BPGM: variants seen among roughly 807,000 people sequenced by gnomAD.
BPGM encodes the protein bisphosphoglycerate mutase, also known as 2,3-bisphosphoglycerate mutase, erythrocyte.
BPGM carries 15 observed loss-of-function variants against 21.6 expected under a neutral mutation model. That is an observed-to-expected ratio of 0.70 (90% confidence interval 0.47 to 1.07). The LOEUF is 1.07. Among genes scored for constraint, BPGM ranks in the 50% least tolerant of loss-of-function variants. The pLI, the probability that BPGM is intolerant of heterozygous loss-of-function variation, is 0.00. For synonymous variants in BPGM, 113 were observed against 116.2 expected (o/e 0.97, Z 0.18); for missense variants, 273 against 319.0 (o/e 0.86, Z 1.10).
chr7:134,666,018 T>TC (rs1795815663), intron 2 of BPGM, among the ~76,000 whole-genome samples: 1 of 151,984 alleles, frequency 6.6e-6, no homozygotes, highest in Admixed American at 6.6e-5. Flanking sequence ...GCTAGGATTA[T>TC]AGGTGTGTAC....
intron 1 of BPGM, among the ~76,000 whole-genome samples, chr7:134,649,356 CA>C (rs1254325149): frequency 1.3e-5 from 2 of 152,248 alleles, no homozygotes; most frequent in African/African-American, 4.8e-5. Flanking sequence ...CACTTAGAAG[CA>C]ACTACTGTTA....
chr7:134,664,548 A>AGGTACT (rs58536245), intron 2 of BPGM, among the ~76,000 whole-genome samples: 5 of 151,422 alleles, frequency 3.3e-5, no homozygotes, highest in East Asian at 1.9e-4. Flanking sequence ...TCACATTATG[A>AGGTACT]GGAGTTTGGG....
At chr7:134,647,618 C>T (rs1385499763) in intron 1 of BPGM, among the ~76,000 whole-genome samples, 2 of 152,180 alleles carry the variant, frequency 1.3e-5, no homozygotes, top group Non-Finnish European at 2.9e-5. Context: ...TAACTCTCAT[C>T]CCCCTACTGC....
At chr7:134,678,776 G>A (rs1055531766) in intron 2 of BPGM, 77 bp from the exon 3 acceptor site, 2 of 1,356,502 alleles carry the variant, frequency 1.5e-6, no homozygotes, top group African/African-American at 1.4e-5. Context: ...TGGGATTAAA[G>A]TGCAGTTATA....
intron 1 of BPGM, among the ~76,000 whole-genome samples, chr7:134,649,174 G>T (rs6467547): frequency 0.58 from 87,415 of 150,480 alleles, 26,077 homozygotes; most frequent in East Asian, 0.88. Flanking sequence ...CAATTAAATT[G>T]TTTTTTTTTT....
chr7:134,649,414 G>A (rs569503801), intron 1 of BPGM, among the ~76,000 whole-genome samples: 4 of 152,250 alleles, frequency 2.6e-5, no homozygotes, highest in Non-Finnish European at 5.9e-5. Flanking sequence ...TGCCTGCTGT[G>A]GTTGGTTGAG....
chr7:134,672,977 A>G (rs941428611), intron 2 of BPGM, among the ~76,000 whole-genome samples: 1 of 152,136 alleles, frequency 6.6e-6, no homozygotes, highest in Non-Finnish European at 1.5e-5. Context: ...GATAGAGACC[A>G]TCCTGGCTAA....
Position 134,661,916 on chromosome 7 carries a change from TACA to T in BPGM, c.412_414del (p.Asn138del). ...GTCTCATCCTTACTACCAAGAAATC[TACA>T]ACGACCGGAGGTATAAAGTATGCGA... is the stretch of plus-strand genomic sequence containing the variant. On this transcript the variant is annotated inframe_deletion, in exon 2 of 3. Coordinates refer to ENST00000344924, the MANE Select transcript of BPGM (RefSeq NM_001724.5). The surrounding 1 kb of genome is among the most constrained non-coding windows in gnomAD (Gnocchi z 4.6). The T allele has an allele frequency of 6.2e-7, 1 of 1,612,158 alleles. No individual in the cohort carries two copies. The highest frequency in any genetic ancestry group is 8.5e-7 in the Non-Finnish European group (1 of 1,178,556).
chr7:134,649,172 TTG>T (rs1034528937), intron 1 of BPGM, among the ~76,000 whole-genome samples: 1 of 143,296 alleles, frequency 7.0e-6, no homozygotes, highest in East Asian at 2.3e-4. Context: ...TACAATTAAA[TTG>T]TTTTTTTTTT....
chr7:134,650,981 C>A (rs2347693), intron 1 of BPGM, among the ~76,000 whole-genome samples: 88,784 of 151,988 alleles, frequency 0.58, 26,923 homozygotes, highest in East Asian at 0.89. Context: ...TCCCTTGAGA[C>A]CTGTTCCTTT....
chr7:134,678,795 CAG>C, intron 2 of BPGM, 56 bp from the exon 3 acceptor site: 3 of 1,508,572 alleles, frequency 2.0e-6, no homozygotes, highest in Non-Finnish European at 2.8e-6. Flanking sequence ...TATAATTAAA[CAG>C]AACTTCCTCC....
At chr7:134,653,179 T>C (rs915130439) in intron 1 of BPGM, among the ~76,000 whole-genome samples, 1 of 152,250 alleles carries the variant, frequency 6.6e-6, no homozygotes, top group African/African-American at 2.4e-5. Context: ...TTATATATTA[T>C]GTATGGTGGC....
rs766185132 is a variant in BPGM, at chr7:134,678,873, A to G, written c.622A>G (p.Ile208Val). Reference protein sequence around the residue: ...HLEGISDEDIINITLPTGVPI... With the variant: ...HLEGISDEDIVNITLPTGVPI... ...AACAGGTATCTCAGATGAAGACATC[A>G]TCAACATTACTCTTCCTACTGGAGT... Residue 208 changes from isoleucine (I) to valine (V), a missense_variant, in exon 3 of 3, where the codon ATC becomes GTC. Physicochemically the swap from Ile to Val is conservative, Grantham distance 29. Transcript: ENST00000344924. The G allele has an allele frequency of 3.1e-6, 5 of 1,613,974 alleles. No individual in the cohort carries two copies. The South Asian group carries it at 3.3e-5, about 11-fold the overall frequency.
intron 1 of BPGM, among the ~76,000 whole-genome samples, chr7:134,657,442 A>G (rs1330128962): frequency 6.6e-6 from 1 of 152,206 alleles, no homozygotes; most frequent in African/African-American, 2.4e-5. Context: ...AAGATACTCA[A>G]TTTTCAAGGA....
At chr7:134,653,444 C>T (rs1795588194) in intron 1 of BPGM, among the ~76,000 whole-genome samples, 1 of 152,156 alleles carries the variant, frequency 6.6e-6, no homozygotes, top group African/African-American at 2.4e-5. Flanking sequence ...CTGGGTTTTC[C>T]TGTCTATTTC....
At chr7:134,650,617 G>T (rs2131412820) in intron 1 of BPGM, among the ~76,000 whole-genome samples, 1 of 152,332 alleles carries the variant, frequency 6.6e-6, no homozygotes, top group Middle Eastern at 3.4e-3. Flanking sequence ...GGAAGGCATA[G>T]TTTGTTAAGA....
Position 134,679,213 on chromosome 7 carries a change from G to T in BPGM, c.*182G>T. 1 of 658,166 alleles carries T rather than the reference G, an allele frequency of 1.5e-6. No homozygotes were observed. The highest frequency in any genetic ancestry group is 2.6e-6 in the Non-Finnish European group (1 of 391,564). The allele number at this position is 658,166 out of a possible 1,614,324, so 40.8% of individuals were successfully genotyped here. A position where few individuals can be genotyped will look rare whatever the true frequency, so the allele number is the denominator to read the frequency against. On this transcript the variant is annotated 3_prime_UTR_variant, in exon 3 of 3. Coordinates refer to ENST00000344924, the MANE Select transcript of BPGM (RefSeq NM_001724.5). ...GGCTTTAGGATGCCTCAGTGCTTATGTCATAGCCTTATGAGTTAGCTTTCT... is the reference window on the plus strand; with the variant it reads ...GGCTTTAGGATGCCTCAGTGCTTATTTCATAGCCTTATGAGTTAGCTTTCT...
intron 1 of BPGM, among the ~76,000 whole-genome samples, chr7:134,648,015 C>T (rs948361863): frequency 1.3e-5 from 2 of 151,872 alleles, no homozygotes; most frequent in Non-Finnish European, 2.9e-5. Flanking sequence ...CCAGGGTGGT[C>T]TTGAACTCCT....
chr7:134,678,359 C>T (rs1796011824), intron 2 of BPGM, among the ~76,000 whole-genome samples: 1 of 152,132 alleles, frequency 6.6e-6, no homozygotes, highest in African/African-American at 2.4e-5. Flanking sequence ...CTGGATCTAG[C>T]TCAGGGTATT....
Sources: allele counts gnomAD v4.1 joint callset (sites outside exome capture counted in the v4.1 genomes callset), GRCh38; gene constraint gnomAD v4.1.1; non-coding constraint Gnocchi (gnomAD v3.1); transcripts MANE v1.5; gene names NCBI Gene and HGNC (gene_info 2026-07-23, HGNC 2026-07-21).